The following PAPPA variants were observed in gnomAD, a reference collection of about 807,000 sequenced individuals.
The protein encoded by PAPPA is pappalysin 1, also known as pappalysin-1.
Under a neutral mutation model 164.0 loss-of-function variants are expected in PAPPA, and 60 were observed. That is an observed-to-expected ratio of 0.37 (90% CI 0.30 to 0.45). The LOEUF (loss-of-function observed/expected upper bound fraction) is 0.45. Among genes scored for constraint, PAPPA ranks in the 20% least tolerant of loss-of-function variants. The probability of loss-of-function intolerance (pLI) is 1.00; values close to 1 mark genes in which losing one functional copy is unlikely to be tolerated. For missense variants in PAPPA, 1,782 were observed against 2,087.3 expected (o/e 0.85, Z 2.85); for synonymous variants, 875 against 814.1 (o/e 1.07, Z -1.27).
chr9:116,350,067 C>T (rs1846261911), intron 15 of PAPPA, among the ~76,000 whole-genome samples: 1 of 152,198 alleles, frequency 6.6e-6, no homozygotes, highest in Non-Finnish European at 1.5e-5. Flanking sequence ...TGGAAACTGG[C>T]ACATGAATCC....
chr9:116,367,694 C>T lies in PAPPA; in HGVS notation c.4545C>T (p.Ile1515=), dbSNP rs1408900608. The change falls in exon 19 of 22, where the codon ATC becomes ATT. Residue 1515 remains isoleucine (I), a synonymous_variant. Transcript: ENST00000328252. ...SCLDHNSESI[I]LPMNVTVRDI... is the part of the protein sequence containing the mutation. ...TGGACCACAACAGCGAGTCCATCAT[C>T]CTGCCAATGAACGTGACCGTGCGTG... 2 of 1,613,982 alleles carry T rather than the reference C, an allele frequency of 1.2e-6. No homozygotes were observed. The highest frequency in any genetic ancestry group is 2.7e-5 in the African/African-American group (2 of 74,912).
chr9:116,194,666 G>A lies in PAPPA; in HGVS notation c.1478+6450G>A, dbSNP rs189937163. The stretch of plus-strand genomic sequence containing the variant: ...GGTGATAGCAGCTATCCTGTGGCAT[G>A]TCATGGCACTCAAATGGAGTCATCT... On this transcript the variant is annotated intron_variant, in intron 2 of 21. Coordinates refer to ENST00000328252, the MANE Select transcript of PAPPA (RefSeq NM_002581.5). 6.2e-4 allele frequency among the ~76,000 whole-genome samples: 95 copies of A among 152,264 alleles called. 2 individuals carry two copies. In the East Asian group the frequency reaches 0.018, roughly 29 times the overall value.
At chr9:116,224,918 G>A (rs920124394) in intron 5 of PAPPA, among the ~76,000 whole-genome samples, 1 of 152,084 alleles carries the variant, frequency 6.6e-6, no homozygotes, top group African/African-American at 2.4e-5. Flanking sequence ...GTAGATATAG[G>A]TATCCATGAA....
chr9:116,385,277 ATAAATAAT>A (rs1185686577), intron 21 of PAPPA, among the ~76,000 whole-genome samples: 2 of 61,346 alleles, frequency 3.3e-5, no homozygotes, highest in East Asian at 4.6e-4. Context: ...AAATAAATAA[ATAAATAAT>A]AATTTGGAAT....
chr9:116,204,363 G>A (rs536837764), intron 2 of PAPPA, among the ~76,000 whole-genome samples: 6 of 152,086 alleles, frequency 3.9e-5, no homozygotes, highest in African/African-American at 9.6e-5. Flanking sequence ...CCAACTCTGC[G>A]TGAGTCTGGG....
intron 18 of PAPPA, 133 bp downstream of exon 18, chr9:116,362,872 T>C (rs1846448121): frequency 1.2e-6 from 1 of 821,024 alleles, no homozygotes; most frequent in Non-Finnish European, 1.9e-6. Context: ...GAGAGATGAA[T>C]TAGTGTAGAC....
chr9:116,306,458 C>A (rs1845647822), intron 10 of PAPPA, among the ~76,000 whole-genome samples: 1 of 152,144 alleles, frequency 6.6e-6, no homozygotes, highest in Non-Finnish European at 1.5e-5. Flanking sequence ...CAAAGCTAAC[C>A]CTGAACATTG....
intron 13 of PAPPA, among the ~76,000 whole-genome samples, chr9:116,335,693 C>G (rs1475959263): frequency 5.9e-5 from 9 of 152,124 alleles, no homozygotes; most frequent in Admixed American, 1.3e-4. Context: ...AGTGGAGTTT[C>G]CTGAAAAGAA....
intron 21 of PAPPA, among the ~76,000 whole-genome samples, chr9:116,388,128 A>T (rs915375575): frequency 6.6e-6 from 1 of 152,088 alleles, no homozygotes; most frequent in Non-Finnish European, 1.5e-5. Flanking sequence ...TTATGGGGTG[A>T]CCTGGGCCCG....
intron 4 of PAPPA, among the ~76,000 whole-genome samples, chr9:116,212,679 G>A (rs1284284517): frequency 6.6e-6 from 1 of 152,164 alleles, no homozygotes; most frequent in East Asian, 1.9e-4. Flanking sequence ...ATTCTCAGAA[G>A]TCAGCACAGG....
At chr9:116,392,272 T>A (rs1193925534) in intron 21 of PAPPA, among the ~76,000 whole-genome samples, 3 of 152,210 alleles carry the variant, frequency 2.0e-5, no homozygotes, top group Admixed American at 6.5e-5. Flanking sequence ...TTTTCCCCCT[T>A]CTTTTTACTC....
chr9:116,328,549 A>T (rs1845949225), intron 10 of PAPPA, among the ~76,000 whole-genome samples: 2 of 152,330 alleles, frequency 1.3e-5, no homozygotes, highest in South Asian at 4.1e-4. Flanking sequence ...TTGTGCTTTC[A>T]GAACCTATCA....
chr9:116,227,520 C>T lies in PAPPA; in HGVS notation c.2201C>T (p.Pro734Leu). ...GCTTCCTCCCCAATGCCCTGCAGCC[C>T]ATCAGGACACTGGAGCCCTCGTGAA... ...SNASSPMPCSPSGHWSPREAE... is the reference protein window; with the variant it reads ...SNASSPMPCSLSGHWSPREAE... Residue 734 changes from proline to leucine, a missense_variant, in exon 6 of 22, where the codon CCA becomes CTA. Pro to Leu is a moderately conservative substitution (Grantham distance 98). This residue lies in a region of PAPPA where 1,324 missense variants were observed against 1,656.9 expected (regional missense o/e 0.80). Coordinates refer to ENST00000328252, the MANE Select transcript of PAPPA (RefSeq NM_002581.5). 6.2e-7 allele frequency: 1 copy of T among 1,614,086 alleles called. No individual in the cohort carries two copies. Among genetic ancestry groups the T allele is most frequent in the Non-Finnish European group, 8.5e-7 (1 of 1,179,994 alleles).
rs184020932 is a variant in PAPPA at position 116,293,288 on chromosome 9, A to C, written c.2954-9469A>C. 8.3e-4 allele frequency among the ~76,000 whole-genome samples: 126 copies of C among 152,338 alleles called. 2 individuals carry two copies. The highest frequency in any genetic ancestry group is 7.2e-3 in the South Asian group (35 of 4,832). On this transcript the variant is annotated intron_variant, in intron 9 of 21. Coordinates refer to ENST00000328252, the MANE Select transcript of PAPPA (RefSeq NM_002581.5). The stretch of plus-strand genomic sequence containing the variant: ...GTTTTTATTAATTTAAAAACTTTGA[A>C]TTTTTCAAGAATTTTTACATTTTTA...
chr9:116,307,531 A>G (rs1352757576), intron 10 of PAPPA, among the ~76,000 whole-genome samples: 3 of 152,082 alleles, frequency 2.0e-5, no homozygotes, highest in African/African-American at 4.8e-5. Flanking sequence ...ACCCGGTTCA[A>G]GCGGTTGCAG....
intron 1 of PAPPA, among the ~76,000 whole-genome samples, chr9:116,183,190 C>A (rs953776755): frequency 6.6e-6 from 1 of 151,964 alleles, no homozygotes; most frequent in African/African-American, 2.4e-5. Context: ...TCTTTTGTGT[C>A]CTCCAGAGAA....
chr9:116,179,667 G>A (rs1031294629), intron 1 of PAPPA, among the ~76,000 whole-genome samples: 54 of 152,162 alleles, frequency 3.5e-4, no homozygotes, highest in African/African-American at 1.3e-3. Context: ...AATGCCTGAT[G>A]GTGCTGAGTC....
chr9:116,348,139 A>T (rs1846235517), intron 15 of PAPPA, among the ~76,000 whole-genome samples: 1 of 151,984 alleles, frequency 6.6e-6, no homozygotes, highest in South Asian at 2.1e-4. Context: ...GGTGATCCCA[A>T]CTTTGCTTTT....
intron 17 of PAPPA, among the ~76,000 whole-genome samples, chr9:116,361,263 C>T (rs547148582): frequency 2.2e-4 from 34 of 152,300 alleles, no homozygotes; most frequent in African/African-American, 7.0e-4. Context: ...TCAAGTTTCT[C>T]ATCTTATTAT....
Sources: gnomAD v4.1 joint callset for allele counts (sites outside exome capture counted in the v4.1 genomes callset) on GRCh38, gnomAD v4.1.1 for gene constraint, gnomAD v4.1.1 regional missense constraint, MANE v1.5 for transcripts, NCBI Gene and HGNC (gene_info 2026-07-23, HGNC 2026-07-21) for gene names.